CTNNA3: variants seen among roughly 807,000 people sequenced by gnomAD.
CTNNA3 encodes the protein catenin alpha 3, also known as catenin alpha-3.
A neutral mutation model predicts 95.7 loss-of-function variants in CTNNA3; 76 were observed. That is an observed-to-expected ratio of 0.79 (90% confidence interval 0.66 to 0.96). The LOEUF (loss-of-function observed/expected upper bound fraction) is 0.96, where lower values mean the gene tolerates loss of function less well. CTNNA3 is among the 40% of genes least tolerant of loss of function. The pLI is 0.00. For synonymous variants in CTNNA3, 431 were observed against 374.4 expected (o/e 1.15, Z -1.74); for missense variants, 1,191 against 1,089.8 (o/e 1.09, Z -1.31).
intron 9 of CTNNA3, among the ~76,000 whole-genome samples, chr10:66,760,291 C>G (rs185776600): frequency 2.0e-5 from 3 of 152,128 alleles, no homozygotes. Context: ...GGAAGTCTAA[C>G]CCGTGCAGCC....
At chr10:67,206,797 G>A (rs956052927) in intron 6 of CTNNA3, among the ~76,000 whole-genome samples, 4 of 151,366 alleles carry the variant, frequency 2.6e-5, no homozygotes, top group African/African-American at 7.3e-5. Context: ...TATTGTCTGC[G>A]AAGTAATTAA....
chr10:66,815,231 A>G (rs1210308432), intron 7 of CTNNA3, among the ~76,000 whole-genome samples: 1 of 152,172 alleles, frequency 6.6e-6, no homozygotes, highest in African/African-American at 2.4e-5. Flanking sequence ...CTTGCATCAA[A>G]ATCTGGGGAG....
At chr10:65,967,290 G>T (rs561917717) in intron 16 of CTNNA3, among the ~76,000 whole-genome samples, 1 of 152,282 alleles carries the variant, frequency 6.6e-6, no homozygotes, top group East Asian at 1.9e-4. Flanking sequence ...ACATAAAAAG[G>T]TATATAAAAT....
Position 66,365,620 on chromosome 10 carries a change from C to A in CTNNA3, c.1732+13532G>T, listed in dbSNP as rs138208198. Among the ~76,000 whole-genome samples the A allele has an allele frequency of 9.4e-3, 1,433 of 152,266 alleles. 14 individuals carry two copies. The highest frequency in any genetic ancestry group is 0.014 in the Non-Finnish European group (980 of 68,014). On this transcript the variant is annotated intron_variant, in intron 12 of 17. Transcript: ENST00000433211. ...TAAGCCATTTAGAAGTTGTAGTAGG[C>A]AGCCTGTAACATTGTCCAGTGATAT...
chr10:66,153,848 T>TAAACAC (rs1491482295), intron 13 of CTNNA3, among the ~76,000 whole-genome samples: 2 of 148,948 alleles, frequency 1.3e-5, no homozygotes, highest in East Asian at 4.0e-4. Context: ...ATAATTTGTT[T>TAAACAC]ACACACACAC....
chr10:66,460,927 C>G (rs1053222806), intron 11 of CTNNA3, among the ~76,000 whole-genome samples: 1 of 151,922 alleles, frequency 6.6e-6, no homozygotes, highest in Admixed American at 6.6e-5. Context: ...TGGCTTAAAA[C>G]ATTATTCTTG....
chr10:66,027,066 T>G (rs1486977069), intron 15 of CTNNA3, among the ~76,000 whole-genome samples: 1 of 152,110 alleles, frequency 6.6e-6, no homozygotes, highest in Non-Finnish European at 1.5e-5. Flanking sequence ...TCTTATTAAT[T>G]TTTTAGCTGT....
At chr10:66,340,480 G>A (rs2092442518) in intron 12 of CTNNA3, among the ~76,000 whole-genome samples, 1 of 151,640 alleles carries the variant, frequency 6.6e-6, no homozygotes. Flanking sequence ...AGTATAGAGT[G>A]TATATATGTT....
chr10:66,901,720 T>C (rs1845756205), intron 7 of CTNNA3, among the ~76,000 whole-genome samples: 1 of 151,816 alleles, frequency 6.6e-6, no homozygotes. Flanking sequence ...AAAGCAGGGG[T>C]TGCAATCCTA....
At chr10:67,678,299 A>G (rs1840569128) in intron 1 of CTNNA3, among the ~76,000 whole-genome samples, 1 of 152,186 alleles carries the variant, frequency 6.6e-6, no homozygotes, top group Non-Finnish European at 1.5e-5. Context: ...CTAAAAAGAA[A>G]AGAAAGTTGA....
At chr10:67,253,746 T>C (rs1054879130) in intron 5 of CTNNA3, among the ~76,000 whole-genome samples, 1 of 152,106 alleles carries the variant, frequency 6.6e-6, no homozygotes, top group Non-Finnish European at 1.5e-5. Context: ...AAGGAAATCA[T>C]AAATGAAAAA....
intron 9 of CTNNA3, among the ~76,000 whole-genome samples, chr10:66,725,994 A>G (rs1453480990): frequency 4.6e-5 from 7 of 152,104 alleles, no homozygotes; most frequent in Non-Finnish European, 1.5e-5. Context: ...CATTGCAGGA[A>G]AAACAAAAGC....
chr10:67,443,041 C>A (rs1381283995), intron 5 of CTNNA3, among the ~76,000 whole-genome samples: 1 of 146,684 alleles, frequency 6.8e-6, no homozygotes, highest in Non-Finnish European at 1.5e-5. Context: ...TGAGAACATG[C>A]GGTGTTTGGT....
Position 66,443,743 on chromosome 10 carries a change from C to T in CTNNA3, c.1532-64391G>A, listed in dbSNP as rs535837995. Among the ~76,000 whole-genome samples, 1,335 of 151,520 alleles carry T rather than the reference C, an allele frequency of 8.8e-3. 25 individuals are homozygous for T. The highest frequency in any genetic ancestry group is 0.03 in the African/African-American group (1,218 of 40,972). On this transcript the variant is annotated intron_variant, in intron 11 of 17. Coordinates refer to ENST00000433211, the MANE Select transcript of CTNNA3 (RefSeq NM_013266.4). ...TGGGGAAAAAACAGAGCAGAAAAAC[C>T]AGAAACTCTAAAAAGCAGAGCACCT...
At chr10:66,996,671 A>AAAAAAAAAAAAAAAAT (rs1851370396) in intron 7 of CTNNA3, among the ~76,000 whole-genome samples, 1 of 148,252 alleles carries the variant, frequency 6.7e-6, no homozygotes, top group South Asian at 2.1e-4. Flanking sequence ...AAAAAAAAAA[A>AAAAAAAAAAAAAAAAT]GCATGTTTGT....
chr10:66,629,059 A>C (rs182047237), intron 9 of CTNNA3, among the ~76,000 whole-genome samples: 1 of 152,150 alleles, frequency 6.6e-6, no homozygotes, highest in Non-Finnish European at 1.5e-5. Context: ...GAGATAAGAA[A>C]GGTTGCCCAC....
chr10:67,747,940 T>C (rs934308824), intron 1 of CTNNA3, among the ~76,000 whole-genome samples: 5 of 152,172 alleles, frequency 3.3e-5, no homozygotes, highest in African/African-American at 1.2e-4. Flanking sequence ...CTGAAAAACA[T>C]AGCACGAGAA....
chr10:66,224,146 G>A (rs1440444408), intron 13 of CTNNA3, among the ~76,000 whole-genome samples: 2 of 152,184 alleles, frequency 1.3e-5, no homozygotes, highest in African/African-American at 2.4e-5. Flanking sequence ...ACTGGGAGTA[G>A]GATTTACTCC....
chr10:66,363,255 T>C (rs1241783177), intron 12 of CTNNA3, among the ~76,000 whole-genome samples: 1 of 152,182 alleles, frequency 6.6e-6, no homozygotes, highest in Non-Finnish European at 1.5e-5. Flanking sequence ...GTGGACTGAA[T>C]GTTTGTGTCC....
Sources: allele counts gnomAD v4.1 joint callset (sites outside exome capture counted in the v4.1 genomes callset), GRCh38; gene constraint gnomAD v4.1.1; transcripts MANE v1.5; gene names NCBI Gene and HGNC (gene_info 2026-07-23, HGNC 2026-07-21).